C1QTNF7: variants seen among roughly 807,000 people sequenced by gnomAD.
C1QTNF7 encodes the protein C1q and TNF related 7.
C1QTNF7 carries 15 observed loss-of-function variants against 19.6 expected under a neutral mutation model. The observed-to-expected ratio is 0.76, with a 90% CI of 0.51 to 1.18. The LOEUF (loss-of-function observed/expected upper bound fraction) is 1.18. C1QTNF7 is among the 50% of genes most tolerant of loss of function. The pLI is 0.00. For missense variants in C1QTNF7, 324 were observed against 359.7 expected, an observed-to-expected ratio of 0.90 and a Z score of 0.80; for synonymous variants, 142 against 137.5, an observed-to-expected ratio of 1.03 and a Z score of -0.23.
At chr4:15,418,038 T>A (rs1427174329) in intron 1 of C1QTNF7, among the ~76,000 whole-genome samples, 3 of 152,090 alleles carry the variant, frequency 2.0e-5, no homozygotes, top group Non-Finnish European at 4.4e-5. Context: ...AGAGAGAAGG[T>A]TCGTCAGGAT....
intron 1 of C1QTNF7, among the ~76,000 whole-genome samples, chr4:15,378,610 G>C (rs1718031242): frequency 6.6e-6 from 1 of 152,060 alleles, no homozygotes; most frequent in Non-Finnish European, 1.5e-5. Flanking sequence ...GGATTACATT[G>C]TTGGAGGAGA....
chr4:15,400,813 G>A (rs1337692739), intron 1 of C1QTNF7, among the ~76,000 whole-genome samples: 2 of 152,202 alleles, frequency 1.3e-5, no homozygotes, highest in African/African-American at 4.8e-5. Context: ...AAGCCTTTAT[G>A]TTACATGCTC....
At chr4:15,359,563 C>T (rs991527275) in intron 1 of C1QTNF7, among the ~76,000 whole-genome samples, 5 of 152,110 alleles carry the variant, frequency 3.3e-5, no homozygotes, top group African/African-American at 9.7e-5. Flanking sequence ...CCAAATACTT[C>T]CAAGGGATTG....
chr4:15,399,403 C>T (rs958560463), intron 1 of C1QTNF7, among the ~76,000 whole-genome samples: 3 of 152,036 alleles, frequency 2.0e-5, no homozygotes, highest in South Asian at 2.1e-4. Flanking sequence ...CTGTAGGCTC[C>T]GCAGATAGTA....
chr4:15,424,979 GT>G (rs1464102143), upstream of C1QTNF7, among the ~76,000 whole-genome samples: 8 of 152,036 alleles, frequency 5.3e-5, no homozygotes, highest in African/African-American at 1.9e-4. Flanking sequence ...AGGTCTCTTT[GT>G]TTGCTCTCTA....
chr4:15,405,826 C>G (rs377032782), intron 1 of C1QTNF7, among the ~76,000 whole-genome samples: 11 of 152,334 alleles, frequency 7.2e-5, no homozygotes, highest in African/African-American at 2.2e-4. Flanking sequence ...CTGTGTCCAA[C>G]CCCTCTGGCT....
At chr4:15,425,649 G>C (rs1312231557), upstream of C1QTNF7, among the ~76,000 whole-genome samples, 1 of 152,146 alleles carries the variant, frequency 6.6e-6, no homozygotes, top group Admixed American at 6.5e-5. Context: ...TAAGTAGTTA[G>C]GTGTGTCAAT....
rs765869930 is a variant in C1QTNF7 at position 15,435,895 on chromosome 4, C to G, written c.152C>G (p.Ser51Cys). The G allele has an allele frequency of 1.9e-6, 3 of 1,614,046 alleles. No individual in the cohort carries two copies. In the Admixed American group the frequency reaches 5.0e-5, roughly 27 times the overall value. ...CCAGGGCCCCCTGGAGCAAATGGTTCCCCTGGGCCCCATGGTCGCATCGGC... is the reference window on the plus strand; with the variant it reads ...CCAGGGCCCCCTGGAGCAAATGGTTGCCCTGGGCCCCATGGTCGCATCGGC... Reference protein sequence around the residue: ...GPPGPPGANGSPGPHGRIGLP... With the variant: ...GPPGPPGANGCPGPHGRIGLP... The change falls in exon 2 of 3, where the codon TCC (serine) becomes TGC (cysteine). Residue 51 changes from serine (S) to cysteine (C), a missense_variant. Coordinates refer to ENST00000444304, the MANE Select transcript of C1QTNF7 (RefSeq NM_031911.5).
intron 1 of C1QTNF7, among the ~76,000 whole-genome samples, chr4:15,390,553 A>G (rs960366409): frequency 2.0e-5 from 3 of 152,236 alleles, no homozygotes; most frequent in Admixed American, 6.5e-5. Context: ...GAGATGGTCC[A>G]CCTTGCATTT....
chr4:15,425,165 T>C (rs1347825153), upstream of C1QTNF7, among the ~76,000 whole-genome samples: 5 of 152,038 alleles, frequency 3.3e-5, no homozygotes, highest in African/African-American at 1.2e-4. Context: ...CAAGAGTAGA[T>C]AAGGCAAAGA....
intron 2 of C1QTNF7, among the ~76,000 whole-genome samples, chr4:15,441,304 T>C (rs1228890657): frequency 2.6e-5 from 4 of 152,190 alleles, no homozygotes; most frequent in Non-Finnish European, 5.9e-5. Context: ...ATGAAAGTAA[T>C]AATAATTCTG....
At chr4:15,414,535 T>C (rs1719518654) in intron 1 of C1QTNF7, among the ~76,000 whole-genome samples, 2 of 151,534 alleles carry the variant, frequency 1.3e-5, no homozygotes, top group Admixed American at 1.3e-4. Flanking sequence ...TTATTAACTC[T>C]GGTGTGACAA....
At chr4:15,344,656 C>T (rs1323612734) in intron 1 of C1QTNF7, among the ~76,000 whole-genome samples, 1 of 152,212 alleles carries the variant, frequency 6.6e-6, no homozygotes, top group Admixed American at 6.5e-5. Flanking sequence ...ATACAGTTCC[C>T]TATTCGATCA....
chr4:15,362,313 AC>A (rs1717371065), intron 1 of C1QTNF7: 1 of 152,114 alleles, frequency 6.6e-6, no homozygotes, highest in South Asian at 2.1e-4. Flanking sequence ...TAAGTCTTCA[AC>A]TTTTGATTAG....
At chr4:15,425,560 G>A (rs1320049757), upstream of C1QTNF7, among the ~76,000 whole-genome samples, 2 of 152,314 alleles carry the variant, frequency 1.3e-5, no homozygotes, top group East Asian at 3.9e-4. Flanking sequence ...GGAAGAAACA[G>A]AGGGTATGCA....
intron 1 of C1QTNF7, among the ~76,000 whole-genome samples, chr4:15,435,140 A>G (rs1421947135): frequency 6.6e-6 from 1 of 152,212 alleles, no homozygotes; most frequent in African/African-American, 2.4e-5. Flanking sequence ...AATATCTATA[A>G]TGGGGGTTCT....
chr4:15,407,184 G>T (rs1719221787), intron 1 of C1QTNF7, among the ~76,000 whole-genome samples: 1 of 152,010 alleles, frequency 6.6e-6, no homozygotes, highest in African/African-American at 2.4e-5. Flanking sequence ...AACACCAATG[G>T]TACAGCCCCA....
chr4:15,343,440 T>C (rs565862163), intron 1 of C1QTNF7, among the ~76,000 whole-genome samples: 24 of 141,786 alleles, frequency 1.7e-4, no homozygotes, highest in Admixed American at 2.8e-4. Flanking sequence ...GAGAATTGAC[T>C]TTTTTTTTTT....
chr4:15,395,403 C>A (rs1030990927), intron 1 of C1QTNF7, among the ~76,000 whole-genome samples: 2 of 152,200 alleles, frequency 1.3e-5, no homozygotes, highest in African/African-American at 4.8e-5. Flanking sequence ...TAAGAACTGG[C>A]TATGCCTGGG....
Sources: gnomAD v4.1 joint callset for allele counts (sites outside exome capture counted in the v4.1 genomes callset) on GRCh38, gnomAD v4.1.1 for gene constraint, MANE v1.5 for transcripts, NCBI Gene and HGNC (gene_info 2026-07-23, HGNC 2026-07-21) for gene names.